The following CNTN5 variants were observed in gnomAD, a reference collection of about 807,000 sequenced individuals.
CNTN5 encodes contactin-5.
In CNTN5, 77 loss-of-function variants were observed where a neutral mutation model predicts 129.1. The ratio of observed to expected loss-of-function variants is 0.60; its 90% CI spans 0.50 to 0.72. The LOEUF is 0.72. Ranked by LOEUF, CNTN5 falls within the 30% of genes least tolerant of loss-of-function variation. CNTN5 has a pLI of 0.00. For missense variants in CNTN5, 1,478 were observed against 1,328.8 expected, an observed-to-expected ratio of 1.11 and a Z score of -1.75; for synonymous variants, 509 against 465.6, an observed-to-expected ratio of 1.09 and a Z score of -1.20.
At chr11:100,190,418 G>A (rs1300133253) in intron 13 of CNTN5, among the ~76,000 whole-genome samples, 10 of 152,112 alleles carry the variant, frequency 6.6e-5, no homozygotes, top group Non-Finnish European at 1.2e-4. Flanking sequence ...ATACACAGGA[G>A]AATACGTTAA....
At chr11:99,443,450 G>T (rs1943923822) in intron 2 of CNTN5, among the ~76,000 whole-genome samples, 1 of 152,082 alleles carries the variant, frequency 6.6e-6, no homozygotes, top group Non-Finnish European at 1.5e-5. Flanking sequence ...ACATTTTCAT[G>T]GTGTTTTGAC....
At chr11:99,408,430 A>AAGAAAGAAAG (rs1942202215) in intron 2 of CNTN5, among the ~76,000 whole-genome samples, 1 of 60,314 alleles carries the variant, frequency 1.7e-5, no homozygotes, top group African/African-American at 7.1e-5. Flanking sequence ...AGGAAAGAAA[A>AAGAAAGAAAG]AGAAAGAAAG....
intron 21 of CNTN5, among the ~76,000 whole-genome samples, chr11:100,323,912 C>T (rs899327850): frequency 1.3e-5 from 2 of 152,054 alleles, no homozygotes; most frequent in Admixed American, 1.3e-4. Flanking sequence ...ATTCTCTCTT[C>T]CCAGCATCTC....
intron 7 of CNTN5, among the ~76,000 whole-genome samples, chr11:99,937,882 A>C (rs1365723871): frequency 6.6e-6 from 1 of 152,186 alleles, no homozygotes; most frequent in Non-Finnish European, 1.5e-5. Flanking sequence ...GGCATCAGTA[A>C]ACTGTAGAAG....
chr11:100,008,124 CA>C (rs1940306678), intron 9 of CNTN5, among the ~76,000 whole-genome samples: 1 of 151,902 alleles, frequency 6.6e-6, no homozygotes, highest in African/African-American at 2.4e-5. Context: ...AAAACAGTTA[CA>C]ATAATAACAT....
intron 3 of CNTN5, among the ~76,000 whole-genome samples, chr11:99,738,253 T>C (rs1361683761): frequency 6.6e-6 from 1 of 152,112 alleles, no homozygotes; most frequent in Non-Finnish European, 1.5e-5. Context: ...GACTGGTATC[T>C]TATAAGAGAG....
intron 2 of CNTN5, among the ~76,000 whole-genome samples, chr11:99,414,234 C>A (rs1942535222): frequency 6.6e-6 from 1 of 152,100 alleles, no homozygotes; most frequent in East Asian, 1.9e-4. Flanking sequence ...ATATACATTT[C>A]CATATTGCAA....
At chr11:99,638,865 C>G (rs974552116) in intron 3 of CNTN5, among the ~76,000 whole-genome samples, 1 of 152,114 alleles carries the variant, frequency 6.6e-6, no homozygotes, top group African/African-American at 2.4e-5. Flanking sequence ...GTGCATGGTG[C>G]AAGCCATCAG....
intron 18 of CNTN5, among the ~76,000 whole-genome samples, chr11:100,290,751 A>G (rs1238902329): frequency 6.7e-6 from 1 of 150,368 alleles, no homozygotes; most frequent in African/African-American, 2.4e-5. Flanking sequence ...GCCAAAATTG[A>G]CAAATGGGAT....
intron 2 of CNTN5, among the ~76,000 whole-genome samples, chr11:99,427,733 T>C (rs1407783834): frequency 2.6e-5 from 3 of 115,998 alleles, no homozygotes; most frequent in Admixed American, 1.3e-4. Flanking sequence ...GTCACTGCAC[T>C]CCAGCCTGGG....
chr11:99,618,536 G>A (rs1423296812), intron 3 of CNTN5, among the ~76,000 whole-genome samples: 1 of 152,078 alleles, frequency 6.6e-6, no homozygotes. Context: ...AGAGGAAATT[G>A]GTATCCTAAG....
intron 1 of CNTN5, among the ~76,000 whole-genome samples, chr11:99,121,920 C>T (rs1858355459): frequency 6.6e-6 from 1 of 151,210 alleles, no homozygotes; most frequent in Admixed American, 6.6e-5. Flanking sequence ...TCCTAGATGA[C>T]CATATTTTTT....
At chr11:99,907,013 C>G (rs1949526351) in intron 6 of CNTN5, among the ~76,000 whole-genome samples, 1 of 152,122 alleles carries the variant, frequency 6.6e-6, no homozygotes, top group East Asian at 1.9e-4. Context: ...ATTCTTCTCT[C>G]TTTTCTTCTT....
intron 17 of CNTN5, among the ~76,000 whole-genome samples, chr11:100,259,195 A>T (rs1028641081): frequency 2.0e-5 from 3 of 152,186 alleles, no homozygotes; most frequent in African/African-American, 7.2e-5. Flanking sequence ...AAAAAAGACA[A>T]AGAAGGGTAT....
chr11:99,730,983 T>G (rs1943512415), intron 3 of CNTN5, among the ~76,000 whole-genome samples: 1 of 152,182 alleles, frequency 6.6e-6, no homozygotes, highest in African/African-American at 2.4e-5. Context: ...ACTATAGTTG[T>G]ACTCTCTACC....
At chr11:99,659,864 G>A (rs80352270) in intron 3 of CNTN5, among the ~76,000 whole-genome samples, 1,624 of 152,230 alleles carry the variant, frequency 0.011, 37 homozygotes, top group African/African-American at 0.036. Flanking sequence ...CCAAGTTGGC[G>A]TGTAAAATTA....
At chr11:99,566,641 GA>G (rs1407933325) in intron 3 of CNTN5, among the ~76,000 whole-genome samples, 3 of 152,166 alleles carry the variant, frequency 2.0e-5, no homozygotes, top group Non-Finnish European at 4.4e-5. Flanking sequence ...AGGATTTGCA[GA>G]AAAGGGTTAT....
chr11:99,557,195 C>G (rs1948700994), intron 3 of CNTN5, among the ~76,000 whole-genome samples: 1 of 151,042 alleles, frequency 6.6e-6, no homozygotes, highest in Middle Eastern at 5.3e-3. Flanking sequence ...GTAAAATATT[C>G]ATTTTGATAT....
intron 3 of CNTN5, among the ~76,000 whole-genome samples, chr11:99,800,378 G>A (rs1385385883): frequency 2.0e-5 from 3 of 152,068 alleles, no homozygotes; most frequent in Admixed American, 6.6e-5. Context: ...TGTAGTTGAT[G>A]TTGAAGTATG....
Sources: allele counts gnomAD v4.1 joint callset (sites outside exome capture counted in the v4.1 genomes callset), GRCh38; gene constraint gnomAD v4.1.1; transcripts MANE v1.5; gene names NCBI Gene and HGNC (gene_info 2026-07-23, HGNC 2026-07-21).